The following RABGAP1L variants were observed in gnomAD, a reference collection of about 807,000 sequenced individuals.
RABGAP1L encodes the protein RAB GTPase activating protein 1 like, also known as rab GTPase-activating protein 1-like.
A neutral mutation model predicts 137.7 loss-of-function variants in RABGAP1L; 63 were observed. The observed-to-expected ratio is 0.46, with a 90% CI of 0.37 to 0.56. The LOEUF (loss-of-function observed/expected upper bound fraction) is 0.56, where lower values mean the gene tolerates loss of function less well. RABGAP1L is among the 20% of genes least tolerant of loss of function. The pLI is 0.00. For synonymous variants in RABGAP1L, 431 were observed against 433.7 expected, an observed-to-expected ratio of 0.99 and a Z score of 0.08; for missense variants, 1,095 against 1,244.0, an observed-to-expected ratio of 0.88 and a Z score of 1.80.
chr1:174,945,527 G>C (rs938744761), intron 19 of RABGAP1L: 1 of 151,874 alleles, frequency 6.6e-6, no homozygotes, highest in Non-Finnish European at 1.5e-5. Context: ...AATACAGTGA[G>C]AGAAGAATTT....
intron 13 of RABGAP1L, among the ~76,000 whole-genome samples, chr1:174,453,077 A>G (rs76476339): frequency 6.6e-6 from 1 of 152,236 alleles, no homozygotes; most frequent in Non-Finnish European, 1.5e-5. Context: ...ATAGTTATTC[A>G]TGAAGACATC....
chr1:174,561,433 C>T (rs1283530172), intron 13 of RABGAP1L, among the ~76,000 whole-genome samples: 1 of 152,168 alleles, frequency 6.6e-6, no homozygotes, highest in East Asian at 1.9e-4. Context: ...GCCATACTGC[C>T]TAAAGTAATT....
chr1:174,306,725 G>A (rs968073239), intron 11 of RABGAP1L, among the ~76,000 whole-genome samples: 3 of 151,770 alleles, frequency 2.0e-5, no homozygotes, highest in African/African-American at 4.8e-5. Flanking sequence ...TGGGGTATCT[G>A]CTCTATTTAC....
chr1:174,973,491 TCTC>T (rs1438382973), intron 21 of RABGAP1L, among the ~76,000 whole-genome samples: 1 of 151,662 alleles, frequency 6.6e-6, no homozygotes, highest in African/African-American at 2.4e-5. Context: ...TTCGAGCAAT[TCTC>T]CTGCCTCTGT....
intron 13 of RABGAP1L, among the ~76,000 whole-genome samples, chr1:174,442,080 T>C (rs935120525): frequency 2.0e-5 from 3 of 152,078 alleles, no homozygotes; most frequent in Non-Finnish European, 4.4e-5. Flanking sequence ...TTTATAAATA[T>C]TATGATTCAA....
At chr1:174,222,304 A>G (rs557178956) in intron 3 of RABGAP1L, among the ~76,000 whole-genome samples, 1 of 152,216 alleles carries the variant, frequency 6.6e-6, no homozygotes, top group South Asian at 2.1e-4. Flanking sequence ...TAATTGGCTT[A>G]GGAAACTCGT....
At chr1:174,392,996 G>A (rs967465301) in intron 12 of RABGAP1L, among the ~76,000 whole-genome samples, 2 of 152,210 alleles carry the variant, frequency 1.3e-5, no homozygotes, top group African/African-American at 4.8e-5. Context: ...CCAGGAAAAA[G>A]ATGACAAATG....
At chr1:174,763,605 C>G (rs1685418685) in intron 18 of RABGAP1L, among the ~76,000 whole-genome samples, 1 of 130,412 alleles carries the variant, frequency 7.7e-6, no homozygotes, top group African/African-American at 2.9e-5. Flanking sequence ...GAGCCAAGAT[C>G]GCGCCACTGC....
At chr1:174,587,549 CA>C (rs1401844606) in intron 13 of RABGAP1L, among the ~76,000 whole-genome samples, 3 of 151,704 alleles carry the variant, frequency 2.0e-5, no homozygotes, top group Non-Finnish European at 4.4e-5. Flanking sequence ...AAAGAGAGAG[CA>C]AGAATTTGTT....
chr1:174,380,573 C>T (rs976224733), intron 12 of RABGAP1L, among the ~76,000 whole-genome samples: 81 of 152,108 alleles, frequency 5.3e-4, no homozygotes, highest in African/African-American at 1.3e-3. Context: ...AGTTTATTTG[C>T]GTAGAGGTGT....
chr1:174,673,506 A>G (rs1458728654), intron 14 of RABGAP1L, among the ~76,000 whole-genome samples: 3 of 152,198 alleles, frequency 2.0e-5, no homozygotes, highest in Non-Finnish European at 4.4e-5. Flanking sequence ...GAGATGAGCT[A>G]TTTTCTACAG....
chr1:174,264,031 A>G (rs1356633738), intron 7 of RABGAP1L, among the ~76,000 whole-genome samples: 1 of 152,000 alleles, frequency 6.6e-6, no homozygotes, highest in Admixed American at 6.6e-5. Context: ...TCTTTGGATC[A>G]TTTGAAGGGA....
intron 18 of RABGAP1L, among the ~76,000 whole-genome samples, chr1:174,797,574 T>C (rs1295358350): frequency 3.5e-3 from 242 of 68,894 alleles, no homozygotes; most frequent in Non-Finnish European, 4.8e-3. Context: ...GGGGGTGTGA[T>C]GTGTGGGGGT....
chr1:174,943,213 G>A (rs1049947407), intron 19 of RABGAP1L, among the ~76,000 whole-genome samples: 1 of 152,160 alleles, frequency 6.6e-6, no homozygotes, highest in Non-Finnish European at 1.5e-5. Context: ...CAGTCACATA[G>A]GTCCTCATAC....
chr1:174,694,206 A>T (rs1572833386), intron 15 of RABGAP1L, among the ~76,000 whole-genome samples: 1 of 151,174 alleles, frequency 6.6e-6, no homozygotes, highest in Non-Finnish European at 1.5e-5. Context: ...TTTTTTATTT[A>T]TTATTATTAT....
chr1:174,298,824 C>G (rs1257929539), intron 10 of RABGAP1L, among the ~76,000 whole-genome samples: 4 of 152,294 alleles, frequency 2.6e-5, no homozygotes, highest in African/African-American at 7.2e-5. Flanking sequence ...CATCATCTGG[C>G]AGGATTTGCA....
At chr1:174,463,866 T>C (rs1370259543) in intron 13 of RABGAP1L, among the ~76,000 whole-genome samples, 2 of 152,072 alleles carry the variant, frequency 1.3e-5, no homozygotes, top group African/African-American at 4.8e-5. Context: ...GGAACACTTA[T>C]ATACTGTAAG....
chr1:174,528,989 G>A (rs922780556), intron 13 of RABGAP1L, among the ~76,000 whole-genome samples: 2 of 139,742 alleles, frequency 1.4e-5, no homozygotes, highest in Non-Finnish European at 3.1e-5. Context: ...ACTTTTGTCT[G>A]GTTCTTTTTT....
rs539072657 is a variant in RABGAP1L, at chr1:174,636,443, G to T, written c.1711-932G>T. 2.1e-4 allele frequency among the ~76,000 whole-genome samples: 32 copies of T among 151,664 alleles called. No homozygotes were observed. In the South Asian group the frequency reaches 3.8e-3, roughly 18 times the overall value. ...CTTGGGAGGCTGAGGCAGGAGAATCGCTTGAACCCGGGAGGCGGAGGTTGC... is the reference window on the plus strand; with the variant it reads ...CTTGGGAGGCTGAGGCAGGAGAATCTCTTGAACCCGGGAGGCGGAGGTTGC... On this transcript the variant is annotated intron_variant, in intron 13 of 25. Transcript: ENST00000681986.
Sources: allele counts gnomAD v4.1 joint callset (sites outside exome capture counted in the v4.1 genomes callset), GRCh38; gene constraint gnomAD v4.1.1; transcripts MANE v1.5; gene names NCBI Gene and HGNC (gene_info 2026-07-23, HGNC 2026-07-21).